ASB2: variants seen among roughly 807,000 people sequenced by gnomAD.
ASB2 encodes the protein ankyrin repeat and SOCS box protein 2.
ASB2 carries 58 observed loss-of-function variants against 62.4 expected under a neutral mutation model. That is an observed-to-expected ratio of 0.93 (90% CI 0.75 to 1.16). ASB2 has a LOEUF of 1.16. Among genes scored for constraint, ASB2 ranks in the 50% most tolerant of loss-of-function variants. The probability of loss-of-function intolerance (pLI) is 0.00; values close to 1 mark genes in which losing one functional copy is unlikely to be tolerated. For missense variants in ASB2, 928 were observed against 887.9 expected (o/e 1.05, Z -0.57); for synonymous variants, 386 against 385.3 (o/e 1.00, Z -0.02).
chr14:93,951,203 G>GCACCAGA lies in ASB2; in HGVS notation c.669_675dup (p.Gln226SerfsTer27), dbSNP rs769129486. On this transcript the variant is annotated frameshift_variant, in exon 6 of 10. Coordinates refer to ENST00000555019, the MANE Select transcript of ASB2 (RefSeq NM_001202429.2). LOFTEE classifies it high-confidence loss of function. ...CGGTGGTTGGTGTCTGCATTGTGCT[G>GCACCAGA]CACCAGAATCTTCACGGCCTCCGCG... 6.2e-7 allele frequency: 1 copy of GCACCAGA among 1,610,886 alleles called. No homozygotes were observed. The highest frequency in any genetic ancestry group is 8.5e-7 in the Non-Finnish European group (1 of 1,178,544).
intron 1 of ASB2, among the ~76,000 whole-genome samples, chr14:93,965,281 G>A (rs979958070): frequency 2.0e-5 from 3 of 152,208 alleles, no homozygotes; most frequent in East Asian, 3.8e-4. Context: ...AGGATACAAC[G>A]ATGATTCCAA....
intron 7 of ASB2, chr14:93,943,943 G>T (rs1160306767): frequency 6.6e-6 from 3 of 455,950 alleles, no homozygotes; most frequent in Non-Finnish European, 1.3e-5. Flanking sequence ...AGTGTTATAT[G>T]TTGGAACTAA....
chr14:93,964,806 C>T (rs1889535258), intron 1 of ASB2, among the ~76,000 whole-genome samples, 194 bp from the exon 2 acceptor site: 1 of 152,014 alleles, frequency 6.6e-6, no homozygotes, highest in African/African-American at 2.4e-5. Flanking sequence ...CATTTACCCA[C>T]CAGCCCATCT....
In ASB2 at chr14:93,963,646, G is replaced by A. The variant is rs150017437; in HGVS notation, c.206+688C>T. On this transcript the variant is annotated intron_variant, in intron 2 of 9. Transcript: ENST00000555019. ...CACACTGGATTTCAAAGACTTGATGGGCAAAAAGAAATGGTAACAATCTGA... is the reference window on the plus strand; with the variant it reads ...CACACTGGATTTCAAAGACTTGATGAGCAAAAAGAAATGGTAACAATCTGA... Among the ~76,000 whole-genome samples the A allele has an allele frequency of 3.9e-3, 600 of 152,074 alleles. 3 individuals are homozygous for A. Among genetic ancestry groups the A allele is most frequent in the African/African-American group, 0.014 (579 of 41,480 alleles).
At chr14:93,937,205 C>G (rs1888301620) in intron 9 of ASB2, among the ~76,000 whole-genome samples, 1 of 152,228 alleles carries the variant, frequency 6.6e-6, no homozygotes, top group South Asian at 2.1e-4. Flanking sequence ...GCCTTGGTGT[C>G]ACCTGGGAGC....
Position 93,939,629 on chromosome 14 carries a change from G to T in ASB2, c.1096C>A (p.Arg366Ser), listed in dbSNP as rs1380476098. The T allele has an allele frequency of 1.3e-6, 2 of 1,531,094 alleles. No homozygotes were observed. Among genetic ancestry groups the T allele is most frequent in the Non-Finnish European group, 1.7e-6 (2 of 1,147,092 alleles). 94.8% of individuals were successfully genotyped at this position (1,531,094 alleles called of 1,614,324 possible). ...TGCAGCGGACTGACGCCGCTACGGCGTATGCGCGTGCGGCTGGTCACCGGC... is the reference window on the plus strand; with the variant it reads ...TGCAGCGGACTGACGCCGCTACGGCTTATGCGCGTGCGGCTGGTCACCGGC... ...LLPVTSRTRI[R>S]RSGVSPLHLA... Residue 366 changes from arginine to serine, a missense_variant, in exon 8 of 10, where the codon CGC becomes AGC. Arg to Ser is a moderately radical substitution (Grantham distance 110). Transcript: ENST00000555019.
Position 93,937,767 on chromosome 14 carries a change from G to C in ASB2, c.1702C>G (p.Gln568Glu), listed in dbSNP as rs1204996232. 6.2e-7 allele frequency: 1 copy of C among 1,613,294 alleles called. No individual in the cohort carries two copies. The highest frequency in any genetic ancestry group is 8.5e-7 in the Non-Finnish European group (1 of 1,179,386). ...TGTTCCTTCAGCCGCGAGCAGAGCT[G>C]CACGTTGCCCACGTAGTCCAGGAGG... ...DVLLDYVGNV[Q>E]LCSRLKEHID... Residue 568 changes from glutamine (Q) to glutamate (E), a missense_variant, in exon 9 of 10, where the codon CAG (glutamine) becomes GAG (glutamate). Gln to Glu is a conservative substitution (Grantham distance 29, BLOSUM62 2). Transcript: ENST00000555019.
chr14:93,959,955 C>T (rs1245171538), intron 2 of ASB2, among the ~76,000 whole-genome samples: 2 of 151,674 alleles, frequency 1.3e-5, no homozygotes, highest in Non-Finnish European at 2.9e-5. Context: ...ACCAGTCCAC[C>T]CCACACCCGC....
In ASB2 at chr14:93,939,444, G is replaced by A; in HGVS notation, c.1281C>T (p.Thr427=). 6.2e-7 allele frequency: 1 copy of A among 1,612,634 alleles called. No individual in the cohort carries two copies. The highest frequency in any genetic ancestry group is 8.5e-7 in the Non-Finnish European group (1 of 1,179,794). ...FAVVNNNVYA[T]ELLLQHGADP... is the part of the protein sequence containing the mutation. ...CGGCGCCGTGTTGCAGCAGCAGCTC[G>A]GTGGCGTACACGTTGTTGTTGACCA... The change falls in exon 8 of 10, where the codon ACC becomes ACT. Residue 427 remains threonine, a synonymous_variant. Coordinates refer to ENST00000555019, the MANE Select transcript of ASB2 (RefSeq NM_001202429.2).
intron 5 of ASB2, among the ~76,000 whole-genome samples, chr14:93,952,536 A>G (rs1172839963): frequency 1.3e-5 from 2 of 152,248 alleles, no homozygotes; most frequent in Non-Finnish European, 2.9e-5. Context: ...GTAAGACCCC[A>G]GCTGATTGCT....
chr14:93,934,404 A>C lies in ASB2; in HGVS notation c.*252T>G. 4.0e-6 allele frequency: 2 copies of C among 505,206 alleles called. No homozygotes were observed. Among genetic ancestry groups the C allele is most frequent in the Non-Finnish European group, 7.2e-6 (2 of 277,952 alleles). The allele number at this position is 505,206 out of a possible 1,614,324, so 31.3% of individuals were successfully genotyped here. A position where few individuals can be genotyped will look rare whatever the true frequency, so the allele number is the denominator to read the frequency against. On this transcript the variant is annotated 3_prime_UTR_variant, in exon 10 of 10. Transcript: ENST00000555019. Reference sequence around the variant, plus strand: ...GAATAGAGGTTTCTGCCATTCCTGAAGGTAGAGAAGGTCTGGGATCTGCTC... The same window carrying C: ...GAATAGAGGTTTCTGCCATTCCTGACGGTAGAGAAGGTCTGGGATCTGCTC...
chr14:93,965,977 CCTT>C (rs1050188782), intron 1 of ASB2, among the ~76,000 whole-genome samples: 1 of 152,262 alleles, frequency 6.6e-6, no homozygotes, highest in African/African-American at 2.4e-5. Context: ...GGAGCCTTCT[CCTT>C]CTTCAAGGCC....
intron 2 of ASB2, among the ~76,000 whole-genome samples, chr14:93,963,555 C>A (rs1303768114): frequency 6.6e-6 from 1 of 152,124 alleles, no homozygotes; most frequent in Non-Finnish European, 1.5e-5. Flanking sequence ...AGTCATTGGC[C>A]ACATGTGCTA....
At chr14:93,937,264 A>G (rs912233040) in intron 9 of ASB2, among the ~76,000 whole-genome samples, 11 of 152,044 alleles carry the variant, frequency 7.2e-5, no homozygotes, top group Admixed American at 2.0e-4. Flanking sequence ...GCGGAATCAG[A>G]AGCTGCATTT....
At chr14:93,964,802 C>T (rs1035016860) in intron 1 of ASB2, among the ~76,000 whole-genome samples, 190 bp from the exon 2 acceptor site, 4 of 151,718 alleles carry the variant, frequency 2.6e-5, no homozygotes, top group Non-Finnish European at 5.9e-5. Flanking sequence ...TATTCATTTA[C>T]CCACCAGCCC....
At chr14:93,938,898 G>T (rs1888381582) in intron 8 of ASB2, among the ~76,000 whole-genome samples, 2 of 152,176 alleles carry the variant, frequency 1.3e-5, no homozygotes, top group African/African-American at 4.8e-5. Context: ...AGCGCCCTAA[G>T]CGCTAACCCA....
chr14:93,964,932 A>T (rs1471970522), intron 1 of ASB2, among the ~76,000 whole-genome samples: 1 of 151,460 alleles, frequency 6.6e-6, no homozygotes, highest in East Asian at 1.9e-4. Flanking sequence ...CCAACTACCC[A>T]CTCAACCACC....
intron 3 of ASB2, chr14:93,955,137 G>A (rs1035468548): frequency 2.2e-6 from 1 of 456,668 alleles, no homozygotes; most frequent in South Asian, 1.5e-5. Context: ...TGAGAACCAC[G>A]ATGTCTATGC....
At chr14:93,967,379 C>T (rs1016372587) in intron 1 of ASB2, among the ~76,000 whole-genome samples, 4 of 152,196 alleles carry the variant, frequency 2.6e-5, no homozygotes, top group South Asian at 2.1e-4. Context: ...CATACCCCAC[C>T]GCCTGGTGCA....
Sources: gnomAD v4.1 joint callset for allele counts (sites outside exome capture counted in the v4.1 genomes callset) on GRCh38, gnomAD v4.1.1 for gene constraint, MANE v1.5 for transcripts, NCBI Gene and HGNC (gene_info 2026-07-23, HGNC 2026-07-21) for gene names.